The following WFDC9 variants were observed in gnomAD, a reference collection of about 807,000 sequenced individuals.
WFDC9 encodes WAP four-disulfide core domain 9.
Under a neutral mutation model 9.5 loss-of-function variants are expected in WFDC9, and 9 were observed. The ratio of observed to expected loss-of-function variants is 0.95; its 90% CI spans 0.57 to 1.65. WFDC9 has a LOEUF of 1.65. Among genes scored for constraint, WFDC9 ranks in the 40% most tolerant of loss-of-function variants. The probability of loss-of-function intolerance (pLI) is 0.00; values close to 1 mark genes in which losing one functional copy is unlikely to be tolerated. For missense variants in WFDC9, 87 were observed against 106.7 expected (o/e 0.82, Z 0.81); for synonymous variants, 33 against 32.3 (o/e 1.02, Z -0.07).
intron 1 of WFDC9, among the ~76,000 whole-genome samples, chr20:45,621,417 T>C (rs1982096990): frequency 6.6e-6 from 1 of 152,202 alleles, no homozygotes; most frequent in Non-Finnish European, 1.5e-5. Flanking sequence ...CTATGCAAAA[T>C]TGTTGACATG....
intron 1 of WFDC9, among the ~76,000 whole-genome samples, chr20:45,624,513 T>C (rs1982173996): frequency 6.6e-6 from 1 of 152,236 alleles, no homozygotes; most frequent in African/African-American, 2.4e-5. Flanking sequence ...TTGTGAATAG[T>C]GCTGCAATAA....
chr20:45,609,963 C>T, intron 3 of WFDC9, 128 bp downstream of exon 3: 1 of 683,986 alleles, frequency 1.5e-6, no homozygotes, highest in Non-Finnish European at 2.4e-6. Flanking sequence ...CTAACCTAAT[C>T]TTGCTTGAAT....
At position 45,616,793 on chromosome 20, in the gene WFDC9, G is replaced by A. The variant is rs904241413; in HGVS notation, c.-152-2072C>T. ...TTTCTGAGCCGTAGGCCTCAACAGT[G>A]GGCTTAAAATATTCAGTATACCATG... is the stretch of plus-strand genomic sequence containing the variant. On this transcript the variant is annotated intron_variant, in intron 1 of 4. Coordinates refer to ENST00000326000, the MANE Select transcript of WFDC9 (RefSeq NM_147198.4). Among the ~76,000 whole-genome samples the A allele has an allele frequency of 3.3e-5, 5 of 152,244 alleles. No individual in the cohort carries two copies. In the South Asian group the frequency reaches 1.0e-3, roughly 32 times the overall value.
Position 45,608,053 on chromosome 20 carries a change from C to T in WFDC9, c.*57G>A. ...TGTCCCAAGAAGGAAGTAGGCAGCA[C>T]TCTTCTTAGACCAGATGGTCATCCT... is the stretch of plus-strand genomic sequence containing the variant. On this transcript the variant is annotated 3_prime_UTR_variant, in exon 5 of 5. Transcript: ENST00000326000. 6.3e-7 allele frequency: 1 copy of T among 1,598,278 alleles called. No individual in the cohort carries two copies. Among genetic ancestry groups the T allele is most frequent in the Non-Finnish European group, 8.6e-7 (1 of 1,166,770 alleles).
intron 1 of WFDC9, among the ~76,000 whole-genome samples, chr20:45,628,561 A>G (rs1367696466): frequency 6.6e-6 from 1 of 152,220 alleles, no homozygotes; most frequent in Non-Finnish European, 1.5e-5. Context: ...TTCATTTATG[A>G]GTGGACAAAA....
intron 1 of WFDC9, chr20:45,629,547 T>C (rs191057909): frequency 3.4e-5 from 11 of 321,794 alleles, no homozygotes; most frequent in Admixed American, 2.4e-4. Context: ...AAATGATATC[T>C]TTCATTCTAT....
chr20:45,624,619 T>C, intron 1 of WFDC9, among the ~76,000 whole-genome samples: 1 of 152,182 alleles, frequency 6.6e-6, no homozygotes, highest in East Asian at 1.9e-4. Flanking sequence ...GAGTTCTATG[T>C]GTAGGCTTTT....
At chr20:45,613,341 A>G (rs1003312722) in intron 2 of WFDC9, among the ~76,000 whole-genome samples, 33 of 152,192 alleles carry the variant, frequency 2.2e-4, no homozygotes, top group Admixed American at 1.4e-3. Flanking sequence ...GAATCCACCA[A>G]AATGACTCTG....
In WFDC9 at chr20:45,608,126, G is replaced by T; in HGVS notation, c.254C>A (p.Ser85Ter). The change falls in exon 5 of 5, where the codon TCA (serine) becomes TAA (stop). Residue 85 changes from serine to a stop codon, truncating the protein, a stop_gained. Transcript: ENST00000326000. LOFTEE classifies it high-confidence loss of function. ...CAATAGAATCTAGGGGTTTAGCATT[G>T]ATTTAAGGGGCTCTCTAGAAGAGAA... ...ICLDNEEPLK[S>*]MLNP The T allele has an allele frequency of 6.2e-7, 1 of 1,612,854 alleles. No homozygotes were observed. Among genetic ancestry groups the T allele is most frequent in the Non-Finnish European group, 8.5e-7 (1 of 1,179,642 alleles).
At chr20:45,629,959 G>T in intron 1 of WFDC9, 2 of 1,595,902 alleles carry the variant, frequency 1.3e-6, no homozygotes, top group Admixed American at 3.5e-5. Context: ...GGAATGGAGG[G>T]CCTGTGTCCA....
chr20:45,629,292 A>G (rs1982296992), intron 1 of WFDC9, among the ~76,000 whole-genome samples: 1 of 152,228 alleles, frequency 6.6e-6, no homozygotes, highest in South Asian at 2.1e-4. Context: ...ATACTTGATT[A>G]TTAGCATTTG....
chr20:45,614,176 T>C (rs1183530116), intron 2 of WFDC9, among the ~76,000 whole-genome samples: 1 of 152,208 alleles, frequency 6.6e-6, no homozygotes, highest in Non-Finnish European at 1.5e-5. Context: ...AATCTGAGGA[T>C]GCCTAGTCTC....
At chr20:45,620,045 GA>G (rs1474161531) in intron 1 of WFDC9, among the ~76,000 whole-genome samples, 2 of 151,914 alleles carry the variant, frequency 1.3e-5, no homozygotes, top group Non-Finnish European at 2.9e-5. Flanking sequence ...GAAAAGGAAA[GA>G]AAAATAGCAC....
chr20:45,629,647 C>A, intron 1 of WFDC9: 1 of 804,642 alleles, frequency 1.2e-6, no homozygotes, highest in Non-Finnish European at 1.9e-6. Flanking sequence ...AGGCCAGGGG[C>A]AAGCAAAAAG....
intron 1 of WFDC9, among the ~76,000 whole-genome samples, chr20:45,617,736 C>A (rs1029074868): frequency 6.6e-6 from 1 of 152,170 alleles, no homozygotes; most frequent in African/African-American, 2.4e-5. Context: ...AATCTTCCCC[C>A]ACTCAACCTC....
intron 3 of WFDC9, 89 bp downstream of exon 3, chr20:45,610,002 G>C: frequency 9.9e-7 from 1 of 1,014,830 alleles, no homozygotes; most frequent in Admixed American, 2.2e-5. Flanking sequence ...ATCCTTTAAA[G>C]CCTGATTCTT....
intron 1 of WFDC9, chr20:45,630,910 G>A (rs2272961): frequency 0.17 from 271,239 of 1,608,516 alleles, 24,669 homozygotes; most frequent in East Asian, 0.32. Flanking sequence ...GCCAGCAGCA[G>A]CCTAAACTAT....
intron 1 of WFDC9, chr20:45,629,988 A>G: frequency 1.3e-6 from 2 of 1,540,646 alleles, no homozygotes; most frequent in South Asian, 2.4e-5. Context: ...AGGACCTAGG[A>G]GTTGGAAACT....
chr20:45,615,937 C>A (rs1356566149), intron 1 of WFDC9, among the ~76,000 whole-genome samples: 1 of 152,194 alleles, frequency 6.6e-6, no homozygotes, highest in African/African-American at 2.4e-5. Flanking sequence ...TCTGAGCCTT[C>A]AACAAGTCAT....
Sources: allele counts gnomAD v4.1 joint callset (sites outside exome capture counted in the v4.1 genomes callset), GRCh38; gene constraint gnomAD v4.1.1; transcripts MANE v1.5; gene names NCBI Gene and HGNC (gene_info 2026-07-23, HGNC 2026-07-21).